FANCD2OS: variants seen among roughly 807,000 people sequenced by gnomAD.
FANCD2OS encodes the protein FANCD2 opposite strand.
In FANCD2OS, 11 loss-of-function variants were observed where a neutral mutation model predicts 13.2. That is an observed-to-expected ratio of 0.83 (90% CI 0.52 to 1.38). FANCD2OS has a LOEUF of 1.38. Among genes scored for constraint, FANCD2OS ranks in the 40% most tolerant of loss-of-function variants. The pLI, the probability that FANCD2OS is intolerant of heterozygous loss-of-function variation, is 0.00. For missense variants in FANCD2OS, 217 were observed against 213.9 expected, an observed-to-expected ratio of 1.01 and a Z score of -0.09; for synonymous variants, 69 against 84.5, an observed-to-expected ratio of 0.82 and a Z score of 1.01.
intron 2 of FANCD2OS, among the ~76,000 whole-genome samples, chr3:10,090,812 TG>T (rs1694559316): frequency 6.6e-6 from 1 of 151,558 alleles, no homozygotes; most frequent in South Asian, 2.1e-4. Context: ...AGCTGTTTTT[TG>T]TTTTTGTTTT....
rs1248805992 is a variant in FANCD2OS, at chr3:10,104,727, ACT to A, written c.46_47del (p.Ser16PhefsTer31). The A allele has an allele frequency of 4.4e-6, 7 of 1,606,404 alleles. No individual in the cohort carries two copies. Among genetic ancestry groups the A allele is most frequent in the Middle Eastern group, 1.7e-4 (1 of 5,978 alleles). On this transcript the variant is annotated frameshift_variant, in exon 2 of 2. Coordinates refer to ENST00000450660, the MANE Select transcript of FANCD2OS (RefSeq NM_001164839.2). LOFTEE classifies it high-confidence loss of function. ...GTGTCGTGTGCCGCAGCCATTGGAA[ACT>A]CTCATCCAGTGGGGTCCATGGTGAC... ...LWSPWTPLDE[S>X]FQWLRHTTPT...
chr3:10,104,481 TC>T lies in FANCD2OS; in HGVS notation c.293del (p.Gly98GlufsTer2), dbSNP rs776496883. The stretch of plus-strand genomic sequence containing the variant: ...TAACCCTGCCAAAGACAGAATCTAC[TC>T]CACTGAGGCGGATGGGCTGGGGCTT... Reference protein sequence around the residue: ...VRKPQPIRLSGVDSVFGRVIT... With the variant: ...VRKPQPIRLSXVDSVFGRVIT... On this transcript the variant is annotated frameshift_variant, in exon 2 of 2. Coordinates refer to ENST00000450660, the MANE Select transcript of FANCD2OS (RefSeq NM_001164839.2). LOFTEE classifies it high-confidence loss of function. 6.2e-7 allele frequency: 1 copy of T among 1,614,174 alleles called. No homozygotes were observed. The highest frequency in any genetic ancestry group is 1.1e-5 in the South Asian group (1 of 91,080).
intron 1 of FANCD2OS, among the ~76,000 whole-genome samples, chr3:10,105,758 A>T (rs1695451484): frequency 3.0e-5 from 2 of 67,788 alleles, no homozygotes; most frequent in African/African-American, 1.7e-4. Context: ...CTAAAAAAAA[A>T]AAAAAAAAAA....
At chr3:10,083,971 T>C (rs1694013296) in intron 2 of FANCD2OS, among the ~76,000 whole-genome samples, 1 of 150,782 alleles carries the variant, frequency 6.6e-6, no homozygotes, top group African/African-American at 2.4e-5. Context: ...TTTTACATAG[T>C]ATATTCTAAA....
chr3:10,095,410 C>A, intron 2 of FANCD2OS: 1 of 749,058 alleles, frequency 1.3e-6, no homozygotes, highest in Non-Finnish European at 2.4e-6. Context: ...TTATTCAGAG[C>A]AAATCCTTAG....
In FANCD2OS at chr3:10,092,244, T is replaced by A. The variant is rs113930338; in HGVS notation, c.*44-10713A>T. The A allele has an allele frequency of 2.6e-5, 42 of 1,611,680 alleles. No individual in the cohort carries two copies. The Admixed American group carries it at 7.0e-4, about 27-fold the overall frequency. ...TCGAGACTTCAGTATCCTCATCAAC[T>A]TGATAAAGGTGAGTATGGAGACTGC... is the stretch of plus-strand genomic sequence containing the variant. On this transcript the variant is annotated intron_variant, in intron 2 of 2. Transcript: ENST00000524279.
chr3:10,094,615 A>G (rs945823597), intron 2 of FANCD2OS, among the ~76,000 whole-genome samples: 1 of 151,504 alleles, frequency 6.6e-6, no homozygotes. Context: ...GCTTGATTTT[A>G]TTGTGCTACT....
intron 2 of FANCD2OS, among the ~76,000 whole-genome samples, chr3:10,084,033 G>T (rs752837688): frequency 2.6e-5 from 4 of 151,358 alleles, no homozygotes; most frequent in Non-Finnish European, 5.9e-5. Context: ...TCACTCTGTC[G>T]CTCAGGCTGG....
At position 10,088,668 on chromosome 3, in the gene FANCD2OS, G is replaced by T. The variant is rs1306609174; in HGVS notation, c.*44-7137C>A. 8.3e-6 allele frequency: 9 copies of T among 1,090,024 alleles called. No homozygotes were observed. The Admixed American group carries it at 9.4e-5, about 11-fold the overall frequency. 67.5% of individuals were successfully genotyped at this position (1,090,024 alleles called of 1,614,324 possible). ...GAAAACAATGAAGTAGGTTAAAAAT[G>T]AACACAATTTGGAACATGTGGATCT... On this transcript the variant is annotated intron_variant, in intron 2 of 2. Transcript: ENST00000524279.
chr3:10,096,199 A>C (rs1050220670), intron 2 of FANCD2OS: 4 of 938,180 alleles, frequency 4.3e-6, no homozygotes, highest in Non-Finnish European at 6.8e-6. Context: ...TTCCTGTTTG[A>C]TGGAACATAC....
intron 2 of FANCD2OS, chr3:10,094,418 A>G: frequency 6.8e-7 from 1 of 1,462,274 alleles, no homozygotes; most frequent in East Asian, 2.3e-5. Context: ...CTCAGAAGAT[A>G]TGTCCTTGGT....
chr3:10,099,982 GC>G (rs1452707505), downstream of FANCD2OS, among the ~76,000 whole-genome samples: 10 of 152,204 alleles, frequency 6.6e-5, no homozygotes, highest in East Asian at 1.9e-3. Context: ...GACCGCTTAA[GC>G]CCAGAATTTC....
chr3:10,101,514 T>C, downstream of FANCD2OS: 1 of 463,332 alleles, frequency 2.2e-6, no homozygotes, highest in Non-Finnish European at 4.0e-6. Flanking sequence ...GCCTCCTGAG[T>C]AGCTGGGACG....
At chr3:10,092,305 T>C (rs1694664896) in intron 2 of FANCD2OS, 1 of 1,373,370 alleles carries the variant, frequency 7.3e-7, no homozygotes, top group Non-Finnish European at 1.0e-6. Flanking sequence ...AGAAACCAAG[T>C]GTCCTGGCTT....
Position 10,104,029 on chromosome 3 carries a change from C to G in FANCD2OS, c.*212G>C. On this transcript the variant is annotated 3_prime_UTR_variant, in exon 2 of 2. Transcript: ENST00000450660. ...GCTAGTTTGACTCTAAATGGTTCAACCTTACAATGGGAATGTTCTTCCTTG... is the reference window on the plus strand; with the variant it reads ...GCTAGTTTGACTCTAAATGGTTCAAGCTTACAATGGGAATGTTCTTCCTTG... The G allele has an allele frequency of 1.8e-6, 1 of 560,710 alleles. No individual in the cohort carries two copies. The highest frequency in any genetic ancestry group is 3.1e-6 in the Non-Finnish European group (1 of 321,094). 34.7% of individuals were successfully genotyped at this position (560,710 alleles called of 1,614,324 possible). A position where few individuals can be genotyped will look rare whatever the true frequency, so the allele number is the denominator to read the frequency against.
intron 1 of FANCD2OS, 52 bp from the exon 2 acceptor site, chr3:10,104,834 A>C (rs1695426594): frequency 1.4e-6 from 2 of 1,480,906 alleles, no homozygotes; most frequent in African/African-American, 2.8e-5. Context: ...TTTTCATGAG[A>C]GCATGGCCTT....
intron 2 of FANCD2OS, among the ~76,000 whole-genome samples, chr3:10,096,966 A>G (rs1380361791): frequency 6.6e-6 from 1 of 152,192 alleles, no homozygotes; most frequent in African/African-American, 2.4e-5. Context: ...ATAAAGGGAC[A>G]GAGTACAAAA....
chr3:10,092,210 C>T lies in FANCD2OS; in HGVS notation c.*44-10679G>A, dbSNP rs1431922975. The stretch of plus-strand genomic sequence containing the variant: ...ATGAAGAGAAACTCCTCTACTGGAA[C>T]ATGGCTGTTCGAGACTTCAGTATCC... On this transcript the variant is annotated intron_variant, in intron 2 of 2. Transcript: ENST00000524279. 9.9e-6 allele frequency: 16 copies of T among 1,613,922 alleles called. No individual in the cohort carries two copies. Among genetic ancestry groups the T allele is most frequent in the Admixed American group, 1.7e-5 (1 of 59,994 alleles).
intron 2 of FANCD2OS, chr3:10,090,506 C>G (rs748337156): frequency 1.1e-5 from 7 of 635,730 alleles, no homozygotes; most frequent in Non-Finnish European, 1.8e-5. Flanking sequence ...GTTGCCCAGA[C>G]TGGAGTGCAG....
Sources: gnomAD v4.1 joint callset for allele counts (sites outside exome capture counted in the v4.1 genomes callset) on GRCh38, gnomAD v4.1.1 for gene constraint, MANE v1.5 for transcripts, NCBI Gene and HGNC (gene_info 2026-07-23, HGNC 2026-07-21) for gene names.